The following ULK4 variants were observed in gnomAD, a reference collection of about 807,000 sequenced individuals.
The protein encoded by ULK4 is inactive serine/threonine-protein kinase ULK4.
In ULK4, 133 loss-of-function variants were observed where a neutral mutation model predicts 160.6. The observed-to-expected ratio is 0.83, with a 90% CI of 0.72 to 0.96. The LOEUF (loss-of-function observed/expected upper bound fraction) is 0.96. Ranked by LOEUF, ULK4 falls within the 40% of genes least tolerant of loss-of-function variation. The probability of loss-of-function intolerance (pLI) is 0.00; values close to 1 mark genes in which losing one functional copy is unlikely to be tolerated. For synonymous variants in ULK4, 534 were observed against 539.8 expected, an observed-to-expected ratio of 0.99 and a Z score of 0.15; for missense variants, 1,580 against 1,499.5, an observed-to-expected ratio of 1.05 and a Z score of -0.89.
At chr3:41,421,573 A>G (rs2082664935) in intron 34 of ULK4, among the ~76,000 whole-genome samples, 1 of 152,182 alleles carries the variant, frequency 6.6e-6, no homozygotes, top group African/African-American at 2.4e-5. Context: ...ATATTAGATG[A>G]TGTTTTTCTA....
At chr3:41,654,889 A>T (rs970985783) in intron 30 of ULK4, among the ~76,000 whole-genome samples, 8 of 152,256 alleles carry the variant, frequency 5.3e-5, no homozygotes, top group Non-Finnish European at 1.2e-4. Flanking sequence ...GAAACCATGT[A>T]TGAGTGATCC....
chr3:41,676,222 T>C lies in ULK4; in HGVS notation c.2978+5286A>G, dbSNP rs78419671. On this transcript the variant is annotated intron_variant, in intron 29 of 36. Transcript: ENST00000301831. ...TATTTACAGTTTAATTGTCTTGTAT[T>C]ATTATATTAATACTTAGAATCTAAA... Among the ~76,000 whole-genome samples, 1,141 of 152,334 alleles carry C rather than the reference T, an allele frequency of 7.5e-3. 10 individuals carry two copies. The highest frequency in any genetic ancestry group is 0.025 in the African/African-American group (1,027 of 41,582).
At chr3:41,357,356 G>A (rs2081049275) in intron 35 of ULK4, among the ~76,000 whole-genome samples, 1 of 152,200 alleles carries the variant, frequency 6.6e-6, no homozygotes, top group Admixed American at 6.5e-5. Flanking sequence ...GACAGTCCAA[G>A]TCAGCAGCCT....
intron 34 of ULK4, among the ~76,000 whole-genome samples, chr3:41,431,417 T>C (rs939772454): frequency 6.7e-6 from 1 of 150,172 alleles, no homozygotes; most frequent in Non-Finnish European, 1.5e-5. Context: ...AATAACAATA[T>C]AGCAAAGAGA....
chr3:41,625,632 T>A (rs897231581), intron 30 of ULK4, among the ~76,000 whole-genome samples: 1 of 151,142 alleles, frequency 6.6e-6, no homozygotes, highest in African/African-American at 2.4e-5. Context: ...TCAATAATCA[T>A]AGCAGATCTT....
intron 29 of ULK4, among the ~76,000 whole-genome samples, chr3:41,664,385 G>A (rs576182156): frequency 2.1e-4 from 32 of 152,170 alleles, no homozygotes; most frequent in South Asian, 4.2e-4. Context: ...GTCATGTGCC[G>A]GTTTCCTTAT....
chr3:41,343,079 C>T (rs2080720556), intron 35 of ULK4, among the ~76,000 whole-genome samples: 1 of 152,086 alleles, frequency 6.6e-6, no homozygotes, highest in Admixed American at 6.6e-5. Context: ...ACTGAATGGG[C>T]AAAAGCTGAA....
intron 25 of ULK4, among the ~76,000 whole-genome samples, chr3:41,708,734 T>A (rs2036990440): frequency 6.6e-6 from 1 of 152,112 alleles, no homozygotes; most frequent in Non-Finnish European, 1.5e-5. Flanking sequence ...GGTAATAGAT[T>A]TCAAGTTTTC....
At position 41,859,824 on chromosome 3, in the gene ULK4, A is replaced by ATT. The variant is rs397875093; in HGVS notation, c.1657-23855_1657-23854dup. Among the ~76,000 whole-genome samples, 392 of 115,880 alleles carry ATT rather than the reference A, an allele frequency of 3.4e-3. 1 individual carries two copies. The highest frequency in any genetic ancestry group is 0.012 in the African/African-American group (347 of 28,886). The allele number at this position is 115,880 out of a possible 152,430, so 76.0% of individuals were successfully genotyped here. A position where few individuals can be genotyped will look rare whatever the true frequency, so the allele number is the denominator to read the frequency against. The stretch of plus-strand genomic sequence containing the variant: ...AGGTGCACGCCACCATGCCTGGCTA[A>ATT]TTTTTTTTTTTTTTTTTTTTTTTTT... On this transcript the variant is annotated intron_variant, in intron 17 of 36. Transcript: ENST00000301831.
In ULK4 at chr3:41,953,476, T is replaced by C. The variant is rs534312383; in HGVS notation, c.138+1146A>G. Among the ~76,000 whole-genome samples the C allele has an allele frequency of 1.4e-4, 22 of 151,732 alleles. No homozygotes were observed. The South Asian group carries it at 4.1e-3, about 29-fold the overall frequency. ...CACTACCACGCCCAGCTAATTTTAG[T>C]ATTTTTAGTAGAGACGGGGTTTCCC... On this transcript the variant is annotated intron_variant, in intron 2 of 36. Coordinates refer to ENST00000301831, the MANE Select transcript of ULK4 (RefSeq NM_017886.4).
At chr3:41,684,669 T>G (rs907673713) in intron 27 of ULK4, among the ~76,000 whole-genome samples, 1 of 152,222 alleles carries the variant, frequency 6.6e-6, no homozygotes, top group African/African-American at 2.4e-5. Context: ...TTAAATCTAT[T>G]CCTGAGAGTA....
At chr3:41,373,193 G>C (rs752409851) in intron 35 of ULK4, among the ~76,000 whole-genome samples, 2 of 151,974 alleles carry the variant, frequency 1.3e-5, no homozygotes, top group Admixed American at 6.6e-5. Flanking sequence ...AATAGTGTGG[G>C]AGTGACACCC....
chr3:41,826,208 C>G (rs138386741), intron 18 of ULK4, among the ~76,000 whole-genome samples: 1 of 152,146 alleles, frequency 6.6e-6, no homozygotes, highest in Non-Finnish European at 1.5e-5. Flanking sequence ...AAAAACATGC[C>G]AAATTGTAAA....
intron 5 of ULK4, among the ~76,000 whole-genome samples, chr3:41,931,512 GA>G (rs1699602139): frequency 6.8e-6 from 1 of 147,004 alleles, no homozygotes; most frequent in Non-Finnish European, 1.5e-5. Context: ...TTCAACTGCA[GA>G]ATATCATTCA....
At chr3:41,705,658 G>T (rs1209346376) in intron 25 of ULK4, among the ~76,000 whole-genome samples, 1 of 151,958 alleles carries the variant, frequency 6.6e-6, no homozygotes, top group Non-Finnish European at 1.5e-5. Context: ...CACCACGCCT[G>T]GCTAATTTTG....
chr3:41,802,446 G>T (rs1256501860), intron 19 of ULK4, among the ~76,000 whole-genome samples: 1 of 152,060 alleles, frequency 6.6e-6, no homozygotes, highest in African/African-American at 2.4e-5. Flanking sequence ...AGAGGCATGT[G>T]CCACCATGCC....
intron 32 of ULK4, among the ~76,000 whole-genome samples, chr3:41,543,081 A>G (rs1242973483): frequency 6.6e-6 from 1 of 152,100 alleles, no homozygotes; most frequent in East Asian, 1.9e-4. Flanking sequence ...AAAGCAAGTA[A>G]TATTTTTCCC....
intron 18 of ULK4, among the ~76,000 whole-genome samples, chr3:41,833,703 G>A (rs2041668321): frequency 6.6e-6 from 1 of 152,114 alleles, no homozygotes; most frequent in Non-Finnish European, 1.5e-5. Context: ...TTTGCACACT[G>A]ATTTTGTATT....
chr3:41,909,509 C>T (rs1401494780), intron 11 of ULK4, among the ~76,000 whole-genome samples: 3 of 152,040 alleles, frequency 2.0e-5, no homozygotes, highest in East Asian at 1.9e-4. Flanking sequence ...CTCAGGAGTT[C>T]GAGGCCAGCT....
Sources: gnomAD v4.1 joint callset for allele counts (sites outside exome capture counted in the v4.1 genomes callset) on GRCh38, gnomAD v4.1.1 for gene constraint, MANE v1.5 for transcripts, NCBI Gene and HGNC (gene_info 2026-07-23, HGNC 2026-07-21) for gene names.